The following AGFG1 variants were observed in gnomAD, a reference collection of about 807,000 sequenced individuals.
The protein encoded by AGFG1 is arf-GAP domain and FG repeat-containing protein 1.
Under a neutral mutation model 60.6 loss-of-function variants are expected in AGFG1, and 10 were observed. The ratio of observed to expected loss-of-function variants is 0.16; its 90% CI spans 0.10 to 0.28. The LOEUF (loss-of-function observed/expected upper bound fraction) is 0.28, where lower values mean the gene tolerates loss of function less well. AGFG1 is among the 10% of genes least tolerant of loss of function. The probability of loss-of-function intolerance (pLI) is 1.00; values close to 1 mark genes in which losing one functional copy is unlikely to be tolerated. For synonymous variants in AGFG1, 247 were observed against 242.9 expected (o/e 1.02, Z -0.16); for missense variants, 537 against 676.5 (o/e 0.79, Z 2.29).
chr2:227,553,628 GTTA>G, intron 11 of AGFG1, 73 bp from the exon 12 acceptor site: 2 of 1,222,518 alleles, frequency 1.6e-6, no homozygotes, highest in East Asian at 2.3e-5. Context: ...GTCTCTGAAA[GTTA>G]TTATGAGGCT....
chr2:227,556,368 G>A lies in AGFG1; in HGVS notation c.*1873G>A, dbSNP rs1692971224. 1 of 152,600 alleles carries A rather than the reference G, an allele frequency of 6.6e-6. No individual in the cohort carries two copies. The highest frequency in any genetic ancestry group is 1.5e-5 in the Non-Finnish European group (1 of 68,038). The allele number at this position is 152,600 out of a possible 1,614,324, so 9.5% of individuals were successfully genotyped here. Reference sequence around the variant, plus strand: ...TGGTTTATCTAAACCGTTTTAATAAGCAAGATGACTGGGAAATCTCTGCCC... The same window carrying A: ...TGGTTTATCTAAACCGTTTTAATAAACAAGATGACTGGGAAATCTCTGCCC... On this transcript the variant is annotated 3_prime_UTR_variant, in exon 13 of 13. Transcript: ENST00000310078.
chr2:227,541,804 G>A (rs1259358882), intron 10 of AGFG1, among the ~76,000 whole-genome samples: 3 of 152,042 alleles, frequency 2.0e-5, no homozygotes, highest in East Asian at 1.9e-4. Flanking sequence ...CCATTTTCAC[G>A]ATATTGATTC....
At position 227,525,611 on chromosome 2, in the gene AGFG1, T is replaced by G. The variant is rs1027966168; in HGVS notation, c.694+696T>G. Among the ~76,000 whole-genome samples, 4 of 152,374 alleles carry G rather than the reference T, an allele frequency of 2.6e-5. No individual in the cohort carries two copies. In the South Asian group the frequency reaches 6.2e-4, roughly 24 times the overall value. ...TTCCTGTATTCCTTCTTTTTCCTCC[T>G]CTGTAATTAGTGAAGAAATTTGCTT... On this transcript the variant is annotated intron_variant, in intron 5 of 12. Transcript: ENST00000310078.
chr2:227,534,347 T>C (rs965071480), intron 7 of AGFG1, among the ~76,000 whole-genome samples: 1 of 152,126 alleles, frequency 6.6e-6, no homozygotes, highest in Non-Finnish European at 1.5e-5. Context: ...ACTCATGGAG[T>C]TGTGTTCTAA....
chr2:227,486,894 G>T (rs187177939), intron 1 of AGFG1, among the ~76,000 whole-genome samples: 7 of 152,336 alleles, frequency 4.6e-5, no homozygotes, highest in Admixed American at 2.6e-4. Flanking sequence ...CTGACATTTA[G>T]TGAGTAGAGC....
chr2:227,559,668 A>G lies in AGFG1; in HGVS notation c.*5173A>G, dbSNP rs946924449. ...TTAATCGGTTCTCTGAAATCTTGAG[A>G]TGTTATCCAAGTTACAATTTAAGCA... is the stretch of plus-strand genomic sequence containing the variant. On this transcript the variant is annotated 3_prime_UTR_variant, in exon 13 of 13. Coordinates refer to ENST00000310078, the MANE Select transcript of AGFG1 (RefSeq NM_004504.5). 30 of 152,170 alleles carry G rather than the reference A, an allele frequency of 2.0e-4. 1 individual carries two copies. Among genetic ancestry groups the G allele is most frequent in the Admixed American group, 5.9e-4 (9 of 15,282 alleles). 9.4% of individuals were successfully genotyped at this position (152,170 alleles called of 1,614,324 possible).
In AGFG1 at chr2:227,558,109, T is replaced by C. The variant is rs1236408858; in HGVS notation, c.*3614T>C. On this transcript the variant is annotated 3_prime_UTR_variant, in exon 13 of 13. Coordinates refer to ENST00000310078, the MANE Select transcript of AGFG1 (RefSeq NM_004504.5). ...GTGGTATTATGGGCTGTGTATGAGATAGTCATTTGTAAAACAATTTTCATA... is the reference window on the plus strand; with the variant it reads ...GTGGTATTATGGGCTGTGTATGAGACAGTCATTTGTAAAACAATTTTCATA... 4 of 152,202 alleles carry C rather than the reference T, an allele frequency of 2.6e-5. No homozygotes were observed. Among genetic ancestry groups the C allele is most frequent in the Admixed American group, 1.3e-4 (2 of 15,276 alleles). 9.4% of individuals were successfully genotyped at this position (152,202 alleles called of 1,614,324 possible).
Position 227,523,840 on chromosome 2 carries a change from G to A in AGFG1, c.455G>A (p.Ser152Asn). 5 of 1,613,914 alleles carry A rather than the reference G, an allele frequency of 3.1e-6. No homozygotes were observed. The highest frequency in any genetic ancestry group is 4.2e-6 in the Non-Finnish European group (5 of 1,179,956). ...TCAGGGTCCTCTGCCAGTAGCACAA[G>A]CAGCACACCTGAGGTCAAACCACTG... ...SISGSSASSTSSTPEVKPLKS... is the reference protein window; with the variant it reads ...SISGSSASSTNSTPEVKPLKS... The change falls in exon 4 of 13, where the codon AGC becomes AAC. Residue 152 changes from serine to asparagine, a missense_variant. Transcript: ENST00000310078.
chr2:227,497,238 T>C (rs1691001547), intron 2 of AGFG1, among the ~76,000 whole-genome samples: 1 of 145,476 alleles, frequency 6.9e-6, no homozygotes, highest in South Asian at 2.2e-4. Context: ...AAAAACAGGC[T>C]AGTGATGACC....
chr2:227,513,899 T>C (rs967173055), intron 2 of AGFG1, among the ~76,000 whole-genome samples: 14 of 152,366 alleles, frequency 9.2e-5, no homozygotes, highest in African/African-American at 3.1e-4. Context: ...GAACACTTAA[T>C]ATGGCACAGC....
chr2:227,478,382 G>A (rs371092720), intron 1 of AGFG1, among the ~76,000 whole-genome samples: 43 of 151,584 alleles, frequency 2.8e-4, no homozygotes, highest in African/African-American at 7.5e-4. Flanking sequence ...TCACTCTGTC[G>A]CCCAGGCTGG....
chr2:227,482,411 G>A (rs541190634), intron 1 of AGFG1, among the ~76,000 whole-genome samples: 1 of 152,200 alleles, frequency 6.6e-6, no homozygotes, highest in Non-Finnish European at 1.5e-5. Flanking sequence ...AACATATACG[G>A]TGTCTTGGCA....
chr2:227,524,996 G>A (rs1304209016), intron 5 of AGFG1, 81 bp downstream of exon 5: 9 of 1,509,118 alleles, frequency 6.0e-6, no homozygotes, highest in Non-Finnish European at 8.2e-6. Flanking sequence ...ACACTTTGAG[G>A]ATCAGTAAAC....
rs745570416 is a variant in AGFG1 at position 227,484,688 on chromosome 2, GTTTTTTTTTTTTTTTTTT to G, written c.168-6843_168-6826del. 1.2e-4 allele frequency among the ~76,000 whole-genome samples: 3 copies of G among 25,092 alleles called. No homozygotes were observed. In the East Asian group the frequency reaches 9.3e-3, roughly 78 times the overall value. 16.5% of individuals were successfully genotyped at this position (25,092 alleles called of 152,430 possible). A position where few individuals can be genotyped will look rare whatever the true frequency, so the allele number is the denominator to read the frequency against. On this transcript the variant is annotated intron_variant, in intron 1 of 12. Transcript: ENST00000310078. ...ATGAAGATCTCTTAGTTTTTTTTTT[GTTTTTTTTTTTTTTTTTT>G]TTTTTTTTTTTTTTTGAGATGGAGT... is the stretch of plus-strand genomic sequence containing the variant.
chr2:227,539,928 C>T (rs1370274445), intron 10 of AGFG1, among the ~76,000 whole-genome samples: 1 of 151,990 alleles, frequency 6.6e-6, no homozygotes, highest in Non-Finnish European at 1.5e-5. Flanking sequence ...CTCTACCTCC[C>T]GGATTCAAGC....
Position 227,556,055 on chromosome 2 carries a change from A to C in AGFG1, c.*1560A>C, listed in dbSNP as rs943973952. The C allele has an allele frequency of 6.6e-6, 1 of 152,254 alleles. No homozygotes were observed. Among genetic ancestry groups the C allele is most frequent in the African/African-American group, 2.4e-5 (1 of 41,464 alleles). The allele number at this position is 152,254 out of a possible 1,614,324, so 9.4% of individuals were successfully genotyped here. On this transcript the variant is annotated 3_prime_UTR_variant, in exon 13 of 13. Coordinates refer to ENST00000310078, the MANE Select transcript of AGFG1 (RefSeq NM_004504.5). ...CCAGCCTAGAGGACATCACTATACTACATCATCTGATGATTATTCTTTATT... is the reference window on the plus strand; with the variant it reads ...CCAGCCTAGAGGACATCACTATACTCCATCATCTGATGATTATTCTTTATT...
rs553113926 is a variant in AGFG1 at position 227,517,134 on chromosome 2, C to G, written c.262-2814C>G. On this transcript the variant is annotated intron_variant, in intron 2 of 12. Transcript: ENST00000310078. Reference sequence around the variant, plus strand: ...CTAATGTTCCTGGATGTCTGTACTTCTCAGGCGTTGCCAGTGAAATGTTTT... The same window carrying G: ...CTAATGTTCCTGGATGTCTGTACTTGTCAGGCGTTGCCAGTGAAATGTTTT... Among the ~76,000 whole-genome samples, 39 of 152,280 alleles carry G rather than the reference C, an allele frequency of 2.6e-4. 1 individual carries two copies. The South Asian group carries it at 8.1e-3, about 32-fold the overall frequency.
intron 2 of AGFG1, among the ~76,000 whole-genome samples, chr2:227,502,711 A>G (rs1691196510): frequency 6.6e-6 from 1 of 152,132 alleles, no homozygotes; most frequent in Non-Finnish European, 1.5e-5. Flanking sequence ...TTTATAGTGA[A>G]TGGTTCCTCT....
At chr2:227,548,617 G>T (rs1175760787) in intron 10 of AGFG1, among the ~76,000 whole-genome samples, 1 of 152,196 alleles carries the variant, frequency 6.6e-6, no homozygotes. Flanking sequence ...ATGCAAGACT[G>T]CTCTGAGCCT....
Sources: gnomAD v4.1 joint callset for allele counts (sites outside exome capture counted in the v4.1 genomes callset) on GRCh38, gnomAD v4.1.1 for gene constraint, MANE v1.5 for transcripts, NCBI Gene and HGNC (gene_info 2026-07-23, HGNC 2026-07-21) for gene names.